The following LANCL2 variants were observed in gnomAD, a reference collection of about 807,000 sequenced individuals.
LANCL2 encodes lanC-like protein 2.
In LANCL2, 33 loss-of-function variants were observed where a neutral mutation model predicts 56.9. That is an observed-to-expected ratio of 0.58 (90% confidence interval 0.44 to 0.78). LANCL2 has a LOEUF of 0.78. Among genes scored for constraint, LANCL2 ranks in the 30% least tolerant of loss-of-function variants. The pLI is 0.00. For missense variants in LANCL2, 562 were observed against 580.2 expected (o/e 0.97, Z 0.32); for synonymous variants, 233 against 228.2 (o/e 1.02, Z -0.19).
At chr7:55,381,016 C>T (rs142454120) in intron 1 of LANCL2, among the ~76,000 whole-genome samples, 79 of 152,166 alleles carry the variant, frequency 5.2e-4, no homozygotes, top group Middle Eastern at 3.4e-3. Context: ...GGATTACACG[C>T]GTGTGCCACC....
At chr7:55,389,876 G>A (rs1322179760) in intron 1 of LANCL2, among the ~76,000 whole-genome samples, 1 of 152,198 alleles carries the variant, frequency 6.6e-6, no homozygotes, top group Non-Finnish European at 1.5e-5. Context: ...ATAAATATCT[G>A]TATGGAAAAG....
intron 6 of LANCL2, among the ~76,000 whole-genome samples, chr7:55,414,039 G>A (rs777308237): frequency 3.9e-5 from 6 of 152,098 alleles, no homozygotes; most frequent in African/African-American, 1.4e-4. Context: ...TATATCACAT[G>A]CACCCATAAA....
At chr7:55,402,239 G>C (rs1393011477) in intron 5 of LANCL2, among the ~76,000 whole-genome samples, 1 of 132,798 alleles carries the variant, frequency 7.5e-6, no homozygotes. Context: ...GCGGCTGGCC[G>C]GGCGGGGGGC....
intron 5 of LANCL2, among the ~76,000 whole-genome samples, chr7:55,401,626 A>G (rs1458063564): frequency 9.5e-6 from 1 of 105,634 alleles, no homozygotes; most frequent in African/African-American, 3.8e-5. Flanking sequence ...ACAGTAGTGG[A>G]GGGAAGGTCA....
rs1473187825 is a variant in LANCL2, at chr7:55,385,488, C to T, written c.205-6305C>T. 5.9e-5 allele frequency among the ~76,000 whole-genome samples: 9 copies of T among 151,974 alleles called. No homozygotes were observed. The South Asian group carries it at 6.2e-4, about 11-fold the overall frequency. On this transcript the variant is annotated intron_variant, in intron 1 of 8. Transcript: ENST00000254770. ...AAAAGAAATTTTAAAGCTGGGCGTC[C>T]GGGGGAGACATCACACATTGGTAGG... is the stretch of plus-strand genomic sequence containing the variant.
intron 2 of LANCL2, among the ~76,000 whole-genome samples, chr7:55,395,132 G>A (rs956815838): frequency 4.6e-5 from 7 of 152,152 alleles, no homozygotes; most frequent in African/African-American, 1.2e-4. Context: ...AGTTGGGAAA[G>A]CTACATTAAC....
chr7:55,368,989 A>G (rs1789907019), intron 1 of LANCL2, among the ~76,000 whole-genome samples: 1 of 152,208 alleles, frequency 6.6e-6, no homozygotes, highest in Non-Finnish European at 1.5e-5. Context: ...TTTTTTAAAA[A>G]GAATTGTAAA....
intron 1 of LANCL2, among the ~76,000 whole-genome samples, chr7:55,387,189 A>G (rs1790134978): frequency 1.3e-5 from 2 of 152,160 alleles, no homozygotes; most frequent in Admixed American, 6.6e-5. Context: ...GAGTGTGTTT[A>G]GGGTTAGGAG....
In LANCL2 at chr7:55,365,743, G is replaced by A. The variant is rs987648347; in HGVS notation, c.-283G>A. 5 of 314,094 alleles carry A rather than the reference G, an allele frequency of 1.6e-5. No individual in the cohort carries two copies. Among genetic ancestry groups the A allele is most frequent in the Admixed American group, 5.1e-5 (1 of 19,788 alleles). The allele number at this position is 314,094 out of a possible 1,614,324, so 19.5% of individuals were successfully genotyped here. A position where few individuals can be genotyped will look rare whatever the true frequency, so the allele number is the denominator to read the frequency against. The stretch of plus-strand genomic sequence containing the variant: ...AGGAGGCGCGAGCAGGCTGTGAGCC[G>A]CTGGGCGCTCCCGCGAGCCCGCTCC... On this transcript the variant is annotated 5_prime_UTR_variant, in exon 1 of 9. Transcript: ENST00000254770.
At chr7:55,410,472 GT>G (rs1262818051) in intron 5 of LANCL2, among the ~76,000 whole-genome samples, 6 of 152,048 alleles carry the variant, frequency 3.9e-5, no homozygotes, top group Non-Finnish European at 7.4e-5. Context: ...AAGAAATGAG[GT>G]TTTTATTTCA....
intron 6 of LANCL2, among the ~76,000 whole-genome samples, chr7:55,424,883 G>A (rs573629689): frequency 2.6e-5 from 4 of 152,354 alleles, no homozygotes; most frequent in Admixed American, 6.5e-5. Flanking sequence ...GAACCGTATC[G>A]TGAACTGCTT....
At chr7:55,402,370 C>T (rs1350381429) in intron 5 of LANCL2, among the ~76,000 whole-genome samples, 4 of 86,598 alleles carry the variant, frequency 4.6e-5, no homozygotes, top group African/African-American at 9.6e-5. Context: ...CCAGTAGGGG[C>T]GGCCAGGCAG....
At chr7:55,377,574 G>A (rs1790017460) in intron 1 of LANCL2, among the ~76,000 whole-genome samples, 3 of 152,068 alleles carry the variant, frequency 2.0e-5, no homozygotes, top group African/African-American at 7.2e-5. Flanking sequence ...TTGTGAGGAA[G>A]AGAAATAAAT....
intron 7 of LANCL2, among the ~76,000 whole-genome samples, chr7:55,426,941 G>A (rs1376879265): frequency 6.6e-6 from 1 of 152,200 alleles, no homozygotes; most frequent in Non-Finnish European, 1.5e-5. Flanking sequence ...GACGCAGCCG[G>A]TTCTTTAAAG....
At position 55,399,926 on chromosome 7, in the gene LANCL2, T is replaced by C. The variant is rs1272484149; in HGVS notation, c.531-31T>C. 8 of 1,588,204 alleles carry C rather than the reference T, an allele frequency of 5.0e-6. No homozygotes were observed. The Admixed American group carries it at 1.2e-4, about 23-fold the overall frequency. ...AGGAAGAAGTACTTTAGACTTCCAC[T>C]GGGAAAAAATTAATTTTTCTTATTG... On this transcript the variant is annotated intron_variant, in intron 3 of 8. Coordinates refer to ENST00000254770, the MANE Select transcript of LANCL2 (RefSeq NM_018697.4).
rs376805077 is a variant in LANCL2 at position 55,417,839 on chromosome 7, C to T, written c.1008+5750C>T. Among the ~76,000 whole-genome samples the T allele has an allele frequency of 7.8e-4, 118 of 151,966 alleles. 2 individuals are homozygous for T. In the South Asian group the frequency reaches 0.022, roughly 29 times the overall value. Reference sequence around the variant, plus strand: ...GATTACAGGTGCCCACCACCATACCCGGCTAGTTTTTGTATTTTTAGTAGA... The same window carrying T: ...GATTACAGGTGCCCACCACCATACCTGGCTAGTTTTTGTATTTTTAGTAGA... On this transcript the variant is annotated intron_variant, in intron 6 of 8. Coordinates refer to ENST00000254770, the MANE Select transcript of LANCL2 (RefSeq NM_018697.4).
In LANCL2 at chr7:55,431,495, C is replaced by T; in HGVS notation, c.*175C>T. On this transcript the variant is annotated 3_prime_UTR_variant, in exon 9 of 9. Transcript: ENST00000254770. ...TCCATCAACATTTTCTAACAGCACCCTCATCAATATAAAATATGACTTCTT... is the reference window on the plus strand; with the variant it reads ...TCCATCAACATTTTCTAACAGCACCTTCATCAATATAAAATATGACTTCTT... The T allele has an allele frequency of 1.8e-6, 1 of 551,774 alleles. No individual in the cohort carries two copies. Among genetic ancestry groups the T allele is most frequent in the South Asian group, 2.5e-5 (1 of 39,686 alleles). 34.2% of individuals were successfully genotyped at this position (551,774 alleles called of 1,614,324 possible).
intron 6 of LANCL2, among the ~76,000 whole-genome samples, chr7:55,420,988 TTCC>T (rs1236919916): frequency 1.3e-5 from 2 of 152,230 alleles, no homozygotes; most frequent in African/African-American, 4.8e-5. Flanking sequence ...TCATGGAATG[TTCC>T]TTTTATCTCT....
chr7:55,379,675 C>T (rs909808666), intron 1 of LANCL2: 2 of 152,640 alleles, frequency 1.3e-5, no homozygotes, highest in African/African-American at 2.4e-5. Context: ...ACACAGGAGG[C>T]CTAAGTTACT....
Sources: gnomAD v4.1 joint callset for allele counts (sites outside exome capture counted in the v4.1 genomes callset) on GRCh38, gnomAD v4.1.1 for gene constraint, MANE v1.5 for transcripts, NCBI Gene and HGNC (gene_info 2026-07-23, HGNC 2026-07-21) for gene names.